DAB1: variants seen among roughly 807,000 people sequenced by gnomAD.
DAB1 encodes the protein DAB adaptor protein 1, also known as disabled homolog 1.
A neutral mutation model predicts 64.6 loss-of-function variants in DAB1; 15 were observed. The ratio of observed to expected loss-of-function variants is 0.23; its 90% CI spans 0.16 to 0.36. The LOEUF is 0.36. DAB1 is among the 10% of genes least tolerant of loss of function. The pLI is 1.00. For synonymous variants in DAB1, 235 were observed against 251.9 expected (o/e 0.93, Z 0.64); for missense variants, 596 against 706.7 (o/e 0.84, Z 1.78).
chr1:57,837,516 T>C (rs1395762870), intron 1 of DAB1, among the ~76,000 whole-genome samples: 2 of 152,026 alleles, frequency 1.3e-5, no homozygotes, highest in African/African-American at 2.4e-5. Context: ...AGGATTCCTG[T>C]CCTAAAATAT....
chr1:57,748,103 G>A (rs1185053611), intron 6 of DAB1, among the ~76,000 whole-genome samples: 1 of 152,168 alleles, frequency 6.6e-6, no homozygotes, highest in Non-Finnish European at 1.5e-5. Context: ...CACTTGAGAA[G>A]AGGCATAACC....
At chr1:58,138,576 G>T (rs912240907) in intron 5 of DAB1, among the ~76,000 whole-genome samples, 13 of 152,106 alleles carry the variant, frequency 8.5e-5, no homozygotes, top group Non-Finnish European at 1.9e-4. Flanking sequence ...TGGGGCACTG[G>T]GCTTGAAAGA....
At chr1:57,764,189 G>A (rs975906006) in intron 6 of DAB1, among the ~76,000 whole-genome samples, 13 of 152,186 alleles carry the variant, frequency 8.5e-5, no homozygotes, top group African/African-American at 2.9e-4. Flanking sequence ...GCACTGCATA[G>A]CAACATTTCA....
At chr1:57,679,013 C>T (rs1017259069) in intron 6 of DAB1, among the ~76,000 whole-genome samples, 3 of 151,876 alleles carry the variant, frequency 2.0e-5, no homozygotes, top group Non-Finnish European at 2.9e-5. Flanking sequence ...CCTCGTGATC[C>T]GCCTGCCTCG....
At chr1:57,762,550 T>C (rs1450996705) in intron 6 of DAB1, among the ~76,000 whole-genome samples, 3 of 152,088 alleles carry the variant, frequency 2.0e-5, no homozygotes, top group Non-Finnish European at 4.4e-5. Context: ...TAAAAGAAGG[T>C]TATTTTCAAT....
chr1:57,941,470 T>C (rs1366649729), intron 5 of DAB1, among the ~76,000 whole-genome samples: 2 of 152,240 alleles, frequency 1.3e-5, no homozygotes, highest in Non-Finnish European at 2.9e-5. Flanking sequence ...AATGAGATCA[T>C]GAATGTGAAA....
intron 5 of DAB1, among the ~76,000 whole-genome samples, chr1:57,970,179 TC>T (rs553241406): frequency 1.3e-5 from 2 of 152,312 alleles, no homozygotes; most frequent in East Asian, 3.9e-4. Flanking sequence ...TAGCTTATTG[TC>T]CATAAGCCAT....
intron 3 of DAB1, among the ~76,000 whole-genome samples, chr1:58,493,306 TATC>T (rs1408914215): frequency 6.6e-6 from 1 of 152,204 alleles, no homozygotes; most frequent in Non-Finnish European, 1.5e-5. Flanking sequence ...TCACAGCCAA[TATC>T]ATACTGAATG....
intron 7 of DAB1, among the ~76,000 whole-genome samples, chr1:57,581,730 A>C (rs1032021043): frequency 1.3e-4 from 19 of 148,588 alleles, no homozygotes; most frequent in Non-Finnish European, 2.1e-4. Context: ...ATTATATAAT[A>C]TATATTATAT....
At chr1:58,066,206 A>C (rs1648844875) in intron 5 of DAB1, among the ~76,000 whole-genome samples, 11 of 152,234 alleles carry the variant, frequency 7.2e-5, no homozygotes, top group Admixed American at 7.2e-4. Context: ...GCAGATCCTC[A>C]AAACAACAAA....
chr1:58,203,268 T>C (rs1658096283), intron 4 of DAB1, among the ~76,000 whole-genome samples: 1 of 152,212 alleles, frequency 6.6e-6, no homozygotes, highest in Admixed American at 6.5e-5. Context: ...ACAATTGTGA[T>C]CAAACATTTT....
intron 4 of DAB1, among the ~76,000 whole-genome samples, chr1:58,251,961 G>A (rs371748014): frequency 2.5e-4 from 38 of 152,182 alleles, no homozygotes; most frequent in Middle Eastern, 3.4e-3. Context: ...CTGTAGTTCC[G>A]CTAGGAAAAA....
intron 9 of DAB1, among the ~76,000 whole-genome samples, chr1:57,044,960 C>T (rs751102921): frequency 1.3e-5 from 2 of 152,136 alleles, no homozygotes; most frequent in Non-Finnish European, 2.9e-5. Context: ...ATTTAATTAT[C>T]GCAACAAACG....
chr1:57,039,578 G>C (rs1372699390), intron 9 of DAB1, among the ~76,000 whole-genome samples: 1 of 152,136 alleles, frequency 6.6e-6, no homozygotes, highest in Admixed American at 6.6e-5. Flanking sequence ...CACCAGCAAG[G>C]CTGGACTGTT....
intron 7 of DAB1, among the ~76,000 whole-genome samples, chr1:57,624,190 T>C (rs1439899128): frequency 1.3e-5 from 2 of 152,242 alleles, no homozygotes; most frequent in Non-Finnish European, 2.9e-5. Flanking sequence ...CCTTTTTTCC[T>C]CCTTTCATCT....
chr1:57,642,659 A>G (rs6702155), intron 7 of DAB1, among the ~76,000 whole-genome samples: 121,734 of 152,194 alleles, frequency 0.8, 48,918 homozygotes, highest in Non-Finnish European at 0.84. Context: ...GATAACATTC[A>G]GCTCTTCACA....
At chr1:57,894,168 T>C (rs1644358867) in intron 5 of DAB1, among the ~76,000 whole-genome samples, 1 of 152,216 alleles carries the variant, frequency 6.6e-6, no homozygotes, top group Non-Finnish European at 1.5e-5. Flanking sequence ...CTCCTTCAAG[T>C]TGCCCACTTG....
At chr1:57,133,956 T>C (rs1657852458) in intron 4 of DAB1, among the ~76,000 whole-genome samples, 1 of 152,156 alleles carries the variant, frequency 6.6e-6, no homozygotes, top group Admixed American at 6.6e-5. Context: ...CAGTAGAGAT[T>C]TTTCAAATAA....
At chr1:58,407,814 G>T (rs555742351) in intron 3 of DAB1, among the ~76,000 whole-genome samples, 1 of 152,208 alleles carries the variant, frequency 6.6e-6, no homozygotes, top group South Asian at 2.1e-4. Flanking sequence ...CCAAAGTAAG[G>T]TTTTAAAAAT....
Sources: gnomAD v4.1 joint callset for allele counts (sites outside exome capture counted in the v4.1 genomes callset) on GRCh38, gnomAD v4.1.1 for gene constraint, MANE v1.5 for transcripts, NCBI Gene and HGNC (gene_info 2026-07-23, HGNC 2026-07-21) for gene names.